SH3KBP1: variants seen among roughly 807,000 people sequenced by gnomAD.
SH3KBP1 encodes the protein SH3 domain-containing kinase-binding protein 1.
SH3KBP1 carries 8 observed loss-of-function variants against 50.1 expected under a neutral mutation model. The observed-to-expected ratio is 0.16, with a 90% confidence interval of 0.09 to 0.29. The LOEUF (loss-of-function observed/expected upper bound fraction) is 0.29, where lower values mean the gene tolerates loss of function less well. Ranked by LOEUF, SH3KBP1 falls within the 10% of genes least tolerant of loss-of-function variation. SH3KBP1 has a pLI of 1.00. For synonymous variants in SH3KBP1, 227 were observed against 218.6 expected (o/e 1.04, Z -0.34); for missense variants, 377 against 535.2 (o/e 0.70, Z 2.92).
At chrX:19,674,292 C>T (rs926380659) in intron 6 of SH3KBP1, among the ~76,000 whole-genome samples, 2 of 111,743 alleles carry the variant, frequency 1.8e-5, no homozygotes, top group African/African-American at 6.5e-5. Flanking sequence ...AAAAACCGCA[C>T]TTACTATGCA....
chrX:19,731,797 T>C (rs1000826118), intron 3 of SH3KBP1, among the ~76,000 whole-genome samples: 8 of 112,109 alleles, frequency 7.1e-5, no homozygotes, highest in Non-Finnish European at 1.3e-4. Flanking sequence ...ATGTGGTTTC[T>C]TTCCTTCAAG....
chrX:19,707,253 G>A (rs1411597958), intron 3 of SH3KBP1, among the ~76,000 whole-genome samples: 1 of 111,770 alleles, frequency 8.9e-6, no homozygotes, highest in Non-Finnish European at 1.9e-5. Flanking sequence ...CCCCACCCCT[G>A]AAGCACTGGA....
chrX:19,645,262 T>A, intron 7 of SH3KBP1, 138 bp downstream of exon 7: 1 of 502,075 alleles, frequency 2.0e-6, no homozygotes, highest in Non-Finnish European at 3.5e-6. Flanking sequence ...GGGAATTGAA[T>A]GAAATACAAT....
At chrX:19,587,012 C>T (rs1354441916) in intron 12 of SH3KBP1, among the ~76,000 whole-genome samples, 4 of 110,282 alleles carry the variant, frequency 3.6e-5, no homozygotes, top group Admixed American at 2.9e-4. Flanking sequence ...CACCCGAGGT[C>T]GGGAGTTTGA....
chrX:19,878,505 T>TGTGTGTGTGTGTGAGAGAGA (rs1491094714), intron 1 of SH3KBP1, among the ~76,000 whole-genome samples: 67 of 48,241 alleles, frequency 1.4e-3, no homozygotes, highest in African/African-American at 3.6e-3. Flanking sequence ...TGTGTGTGTG[T>TGTGTGTGTGTGTGAGAGAGA]GAGAGAGAGA....
At position 19,562,095 on chromosome X, in the gene SH3KBP1, C is replaced by T. The variant is rs1196340589; in HGVS notation, c.1384+7008G>A. Among the ~76,000 whole-genome samples the T allele has an allele frequency of 1.5e-4, 17 of 111,226 alleles. No individual in the cohort carries two copies. In the Admixed American group the frequency reaches 1.6e-3, roughly 11 times the overall value. On this transcript the variant is annotated intron_variant, in intron 13 of 17. Transcript: ENST00000397821. ...AAACTTTACAGGCTCCTAACCTTGG[C>T]CAAGGTTTCCAGAACATGCTTTAAT...
At chrX:19,810,923 C>T (rs2067186481) in intron 2 of SH3KBP1, among the ~76,000 whole-genome samples, 1 of 111,829 alleles carries the variant, frequency 8.9e-6, no homozygotes, top group Admixed American at 9.5e-5. Context: ...GGAAAAATGT[C>T]AATAAGCACA....
rs747025044 is a variant in SH3KBP1, at chrX:19,595,012, AT to A, written c.1006-13del. The A allele has an allele frequency of 8.7e-7, 1 of 1,143,738 alleles. No individual in the cohort carries two copies. Among genetic ancestry groups the A allele is most frequent in the Non-Finnish European group, 1.2e-6 (1 of 834,779 alleles). The allele number at this position is 1,143,738 out of a possible 1,213,427, so 94.3% of individuals were successfully genotyped here. A position where few individuals can be genotyped will look rare whatever the true frequency, so the allele number is the denominator to read the frequency against. On this transcript the variant is annotated splice_polypyrimidine_tract_variant and intron_variant, in intron 9 of 17. Transcript: ENST00000397821. ...GGCTTCTTGGGTCTCTGAAAAATTA[AT>A]AAAAATTATACCACATGAGATTGTT...
At chrX:19,615,299 C>T (rs1333934848) in intron 8 of SH3KBP1, among the ~76,000 whole-genome samples, 3 of 112,311 alleles carry the variant, frequency 2.7e-5, no homozygotes, top group Non-Finnish European at 5.6e-5. Context: ...GAAATGTATT[C>T]TGCTCAGTCA....
chrX:19,646,447 T>C (rs757010082), intron 6 of SH3KBP1, among the ~76,000 whole-genome samples: 1 of 111,798 alleles, frequency 8.9e-6, no homozygotes, highest in Non-Finnish European at 1.9e-5. Context: ...GATTGATGCC[T>C]GAGGGAAAAT....
At chrX:19,579,796 T>C (rs1257555895) in intron 12 of SH3KBP1, among the ~76,000 whole-genome samples, 1 of 112,056 alleles carries the variant, frequency 8.9e-6, no homozygotes, top group East Asian at 2.8e-4. Flanking sequence ...CTTCCATCAG[T>C]TGCTGGCCTT....
chrX:19,813,800 C>T (rs985572513), intron 2 of SH3KBP1, among the ~76,000 whole-genome samples: 5 of 111,695 alleles, frequency 4.5e-5, no homozygotes, highest in African/African-American at 1.6e-4. Flanking sequence ...TCTCAGCATC[C>T]GAATCCTACA....
At chrX:19,610,407 G>A (rs2067376467) in intron 8 of SH3KBP1, among the ~76,000 whole-genome samples, 1 of 111,524 alleles carries the variant, frequency 9.0e-6, no homozygotes, top group African/African-American at 3.3e-5. Flanking sequence ...GAAGCTGGGA[G>A]TAGAATTTCT....
At chrX:19,790,130 A>G (rs932427177) in intron 2 of SH3KBP1, among the ~76,000 whole-genome samples, 34 of 109,850 alleles carry the variant, frequency 3.1e-4, no homozygotes, top group African/African-American at 1.1e-3. Flanking sequence ...AAAAAAAAAA[A>G]ATCCTGGCCA....
chrX:19,609,131 A>G (rs374338208), intron 8 of SH3KBP1, among the ~76,000 whole-genome samples: 22 of 112,322 alleles, frequency 2.0e-4, no homozygotes, highest in African/African-American at 7.1e-4. Context: ...TGGGCACATA[A>G]TCTCATGCCA....
intron 9 of SH3KBP1, among the ~76,000 whole-genome samples, chrX:19,600,769 T>C (rs1602619878): frequency 9.0e-6 from 1 of 111,625 alleles, no homozygotes; most frequent in African/African-American, 3.3e-5. Flanking sequence ...TTATTCTCTT[T>C]ATCCCTCCCT....
rs759315618 is a variant in SH3KBP1, at chrX:19,683,092, C to A, written c.726+731G>T. Among the ~76,000 whole-genome samples, 6 of 111,067 alleles carry A rather than the reference C, an allele frequency of 5.4e-5. No individual in the cohort carries two copies. The South Asian group carries it at 2.3e-3, about 42-fold the overall frequency. ...TAGCTTATTATAATTTGGAAAATTC[C>A]ACAGTATTTATCAACTCCTAAGCAA... On this transcript the variant is annotated intron_variant, in intron 6 of 17. Transcript: ENST00000397821.
intron 2 of SH3KBP1, among the ~76,000 whole-genome samples, chrX:19,776,435 C>G (rs1361250436): frequency 1.9e-5 from 2 of 103,576 alleles, no homozygotes; most frequent in Non-Finnish European, 3.9e-5. Flanking sequence ...CCTGGGCCAA[C>G]AGACAACAGA....
At chrX:19,715,811 T>C (rs1205830784) in intron 3 of SH3KBP1, among the ~76,000 whole-genome samples, 4 of 112,146 alleles carry the variant, frequency 3.6e-5, no homozygotes, top group African/African-American at 1.3e-4. Context: ...TTTGGAACAG[T>C]TGCAGTAAGT....
Sources: allele counts gnomAD v4.1 joint callset (sites outside exome capture counted in the v4.1 genomes callset), GRCh38; gene constraint gnomAD v4.1.1; transcripts MANE v1.5; gene names NCBI Gene and HGNC (gene_info 2026-07-23, HGNC 2026-07-21).